Variants in CDH4 observed in about 807,000 individuals in gnomAD.
CDH4 encodes the protein cadherin 4.
A neutral mutation model predicts 86.0 loss-of-function variants in CDH4; 33 were observed. The ratio of observed to expected loss-of-function variants is 0.38; its 90% confidence interval spans 0.29 to 0.51. The LOEUF (loss-of-function observed/expected upper bound fraction) is 0.51. CDH4 is among the 20% of genes least tolerant of loss of function. The pLI is 0.86. For synonymous variants in CDH4, 555 were observed against 549.4 expected, an observed-to-expected ratio of 1.01 and a Z score of -0.14; for missense variants, 1,114 against 1,307.4, an observed-to-expected ratio of 0.85 and a Z score of 2.28.
intron 2 of CDH4, among the ~76,000 whole-genome samples, chr20:61,611,612 C>T (rs2086685783): frequency 6.6e-6 from 1 of 152,112 alleles, no homozygotes; most frequent in Non-Finnish European, 1.5e-5. Flanking sequence ...ACTGCCAAGA[C>T]TCATGTCAGA....
intron 2 of CDH4, among the ~76,000 whole-genome samples, chr20:61,624,454 T>A (rs1331021898): frequency 1.3e-5 from 2 of 152,128 alleles, no homozygotes; most frequent in African/African-American, 4.8e-5. Context: ...GAGGCTTAGC[T>A]CACAGCAAGG....
chr20:61,323,846 T>C (rs936408340), intron 2 of CDH4, among the ~76,000 whole-genome samples: 4 of 152,222 alleles, frequency 2.6e-5, no homozygotes, highest in African/African-American at 9.6e-5. Flanking sequence ...TTGTTGCAAT[T>C]AATGCCTCCC....
At position 61,812,065 on chromosome 20, in the gene CDH4, C is replaced by T. The variant is rs907631878; in HGVS notation, c.577-32603C>T. On this transcript the variant is annotated intron_variant, in intron 4 of 15. Coordinates refer to ENST00000614565, the MANE Select transcript of CDH4 (RefSeq NM_001794.5). ...GCCTTCGTCTTTCCTGTTTCTCCCCCGCTGCGGGGGACACAGCACTCTCAC... is the reference window on the plus strand; with the variant it reads ...GCCTTCGTCTTTCCTGTTTCTCCCCTGCTGCGGGGGACACAGCACTCTCAC... 3.9e-5 allele frequency among the ~76,000 whole-genome samples: 6 copies of T among 152,134 alleles called. No homozygotes were observed. The South Asian group carries it at 6.2e-4, about 16-fold the overall frequency.
chr20:61,813,831 T>C (rs962067241), intron 4 of CDH4, among the ~76,000 whole-genome samples: 1 of 152,162 alleles, frequency 6.6e-6, no homozygotes, highest in Non-Finnish European at 1.5e-5. Flanking sequence ...CCCTCTCCAG[T>C]ATAATAGATT....
At chr20:61,344,630 T>C (rs2084667148) in intron 2 of CDH4, among the ~76,000 whole-genome samples, 1 of 152,222 alleles carries the variant, frequency 6.6e-6, no homozygotes, top group African/African-American at 2.4e-5. Flanking sequence ...GCCATTGTGT[T>C]TCCCTGTTGC....
chr20:61,866,970 C>T (rs191397222), intron 6 of CDH4, among the ~76,000 whole-genome samples: 18 of 152,332 alleles, frequency 1.2e-4, no homozygotes, highest in Admixed American at 9.1e-4. Flanking sequence ...GCCCTGCCGT[C>T]GCCCTTTCCC....
intron 4 of CDH4, among the ~76,000 whole-genome samples, chr20:61,793,444 C>A (rs1195637912): frequency 6.6e-6 from 1 of 152,158 alleles, no homozygotes; most frequent in Non-Finnish European, 1.5e-5. Context: ...GCTCTGGGGG[C>A]TAGGGGGATA....
At chr20:61,839,547 G>A (rs1198195390) in intron 4 of CDH4, among the ~76,000 whole-genome samples, 1 of 151,050 alleles carries the variant, frequency 6.6e-6, no homozygotes, top group Non-Finnish European at 1.5e-5. Flanking sequence ...TGTGTATTGT[G>A]TGTGTTGTGT....
At chr20:61,701,732 C>T (rs145104882) in intron 2 of CDH4, among the ~76,000 whole-genome samples, 2 of 152,358 alleles carry the variant, frequency 1.3e-5, no homozygotes, top group African/African-American at 2.4e-5. Flanking sequence ...AACCTCGGTT[C>T]GGCTCACGCG....
intron 2 of CDH4, among the ~76,000 whole-genome samples, chr20:61,352,986 C>T (rs1468748113): frequency 6.6e-6 from 1 of 152,092 alleles, no homozygotes; most frequent in Non-Finnish European, 1.5e-5. Flanking sequence ...ACCAAGGGGC[C>T]CCTGGGGCTG....
chr20:61,881,329 T>A (rs977251924), intron 7 of CDH4, among the ~76,000 whole-genome samples: 3 of 152,194 alleles, frequency 2.0e-5, no homozygotes, highest in African/African-American at 7.2e-5. Context: ...GAGGCTCCAT[T>A]CCAGCGGTGG....
chr20:61,875,042 C>A (rs956106159), intron 7 of CDH4, among the ~76,000 whole-genome samples: 4 of 152,356 alleles, frequency 2.6e-5, no homozygotes, highest in African/African-American at 9.6e-5. Context: ...GTCACCGGGG[C>A]TTGCTGGTGT....
At chr20:61,571,931 A>G (rs1480912954) in intron 2 of CDH4, among the ~76,000 whole-genome samples, 1 of 152,020 alleles carries the variant, frequency 6.6e-6, no homozygotes, top group African/African-American at 2.4e-5. Context: ...CCCATGTTTC[A>G]GAGGAGGAAA....
At chr20:61,652,448 A>T (rs1461537871) in intron 2 of CDH4, among the ~76,000 whole-genome samples, 1 of 152,164 alleles carries the variant, frequency 6.6e-6, no homozygotes, top group Non-Finnish European at 1.5e-5. Flanking sequence ...TTATGAGATA[A>T]CTGTCGTCTA....
intron 8 of CDH4, among the ~76,000 whole-genome samples, chr20:61,907,051 A>C (rs2427239): frequency 0.95 from 145,101 of 151,962 alleles, 69,315 homozygotes; most frequent in East Asian, 1. Context: ...AAGCTCCCCC[A>C]ACCCTGAGGC....
chr20:61,719,833 GT>G (rs1487116360), intron 2 of CDH4: 3 of 152,238 alleles, frequency 2.0e-5, no homozygotes, highest in Non-Finnish European at 4.4e-5. Flanking sequence ...GCTTGTAATT[GT>G]TTTTTAAATT....
At chr20:61,832,612 AG>A (rs1281175464) in intron 4 of CDH4, among the ~76,000 whole-genome samples, 1 of 152,172 alleles carries the variant, frequency 6.6e-6, no homozygotes, top group Non-Finnish European at 1.5e-5. Context: ...AAGTGCGAGC[AG>A]GGGACACGCC....
chr20:61,834,328 TG>T (rs2146085887), intron 4 of CDH4, among the ~76,000 whole-genome samples: 1 of 152,346 alleles, frequency 6.6e-6, no homozygotes, highest in East Asian at 1.9e-4. Context: ...GCCTGGGGTC[TG>T]GGGTCTGGCC....
intron 4 of CDH4, among the ~76,000 whole-genome samples, chr20:61,786,185 A>G (rs1477446132): frequency 6.6e-6 from 1 of 152,150 alleles, no homozygotes; most frequent in Non-Finnish European, 1.5e-5. Context: ...CTCCTTCCGC[A>G]GCAAAACAGC....
Sources: gnomAD v4.1 joint callset for allele counts (sites outside exome capture counted in the v4.1 genomes callset) on GRCh38, gnomAD v4.1.1 for gene constraint, MANE v1.5 for transcripts, NCBI Gene and HGNC (gene_info 2026-07-23, HGNC 2026-07-21) for gene names.